The following PCNT variants were observed in gnomAD, a reference collection of about 807,000 sequenced individuals.
The protein encoded by PCNT is pericentrin.
PCNT carries 319 observed loss-of-function variants against 380.4 expected under a neutral mutation model. That is an observed-to-expected ratio of 0.84 (90% CI 0.77 to 0.92). The LOEUF (loss-of-function observed/expected upper bound fraction) is 0.92. PCNT is among the 40% of genes least tolerant of loss of function. PCNT has a pLI of 0.00. For missense variants in PCNT, 4,400 were observed against 4,255.3 expected (o/e 1.03, Z -0.95); for synonymous variants, 1,845 against 1,735.2 (o/e 1.06, Z -1.57).
At chr21:46,398,820 CTTTTTTT>C (rs11331073) in intron 24 of PCNT, among the ~76,000 whole-genome samples, 63 of 114,564 alleles carry the variant, frequency 5.5e-4, no homozygotes, top group Admixed American at 5.2e-3. Context: ...TTTTCTTTTT[CTTTTTTT>C]TTTTTTTTTT....
intron 27 of PCNT, among the ~76,000 whole-genome samples, chr21:46,404,860 A>G (rs2086577709): frequency 6.6e-6 from 1 of 152,130 alleles, no homozygotes; most frequent in Non-Finnish European, 1.5e-5. Flanking sequence ...ACTTGAACCC[A>G]GGAGATGGAG....
At chr21:46,325,614 C>T (rs2083364862) in intron 1 of PCNT, among the ~76,000 whole-genome samples, 1 of 152,214 alleles carries the variant, frequency 6.6e-6, no homozygotes, top group Non-Finnish European at 1.5e-5. Context: ...TTATCATTTA[C>T]ACAAATGTGT....
In PCNT at chr21:46,412,013, C is replaced by T. The variant is rs150436577; in HGVS notation, c.5940C>T (p.Gly1980=). The part of the protein sequence containing the change: ...MDGGAKAQVT[G]DVEASHDAAL... ...GTGGCGCCAAGGCCCAGGTCACCGG[C>T]GACGTGGAGGCCTCCCATGATGCTG... is the stretch of plus-strand genomic sequence containing the variant. Residue 1980 remains glycine, a synonymous_variant, in exon 28 of 47, where the codon GGC becomes GGT. Transcript: ENST00000359568. 338 of 1,607,498 alleles carry T rather than the reference C, an allele frequency of 2.1e-4. No homozygotes were observed. The highest frequency in any genetic ancestry group is 9.8e-4 in the East Asian group (44 of 44,872).
At position 46,444,728 on chromosome 21, in the gene PCNT, T is replaced by G; in HGVS notation, c.9874T>G (p.Ser3292Ala). 6.2e-7 allele frequency: 1 copy of G among 1,613,130 alleles called. No homozygotes were observed. The highest frequency in any genetic ancestry group is 8.5e-7 in the Non-Finnish European group (1 of 1,179,518). ...TPSPNSRLER[S>A]LTASQDPEHS... is the part of the protein sequence containing the mutation. ...ATCCCCAAATTCAAGATTAGAAAGA[T>G]CCCTGACTGCTTCTCAAGATCCAGA... The change falls in exon 46 of 47, where the codon TCC (serine) becomes GCC (alanine). Residue 3292 changes from serine to alanine, a missense_variant. Ser to Ala is a moderately conservative substitution (Grantham distance 99, BLOSUM62 1). Coordinates refer to ENST00000359568, the MANE Select transcript of PCNT (RefSeq NM_006031.6).
At chr21:46,329,625 C>T (rs781193003) in intron 2 of PCNT, among the ~76,000 whole-genome samples, 30 of 152,208 alleles carry the variant, frequency 2.0e-4, no homozygotes, top group Non-Finnish European at 3.5e-4. Flanking sequence ...TTTGTGTCAC[C>T]TCCTCGTGAC....
intron 29 of PCNT, among the ~76,000 whole-genome samples, chr21:46,415,639 T>C (rs1420203931): frequency 1.3e-5 from 2 of 152,030 alleles, no homozygotes; most frequent in South Asian, 2.1e-4. Context: ...TGTCTCAGCC[T>C]CCCAAAATGC....
intron 16 of PCNT, among the ~76,000 whole-genome samples, chr21:46,384,354 A>G (rs1430616790): frequency 1.4e-5 from 2 of 147,490 alleles, no homozygotes; most frequent in Non-Finnish European, 3.0e-5. Flanking sequence ...AAGCGCATTC[A>G]CAGTGTTGTA....
At chr21:46,398,824 T>C (rs1171593787) in intron 24 of PCNT, among the ~76,000 whole-genome samples, 3 of 147,882 alleles carry the variant, frequency 2.0e-5, no homozygotes, top group Admixed American at 6.8e-5. Flanking sequence ...CTTTTTCTTT[T>C]TTTTTTTTTT....
chr21:46,341,003 C>A (rs530337875), intron 3 of PCNT, among the ~76,000 whole-genome samples: 27 of 152,260 alleles, frequency 1.8e-4, no homozygotes, highest in African/African-American at 6.3e-4. Flanking sequence ...CATGCCTCAG[C>A]CTCCTGAGTA....
chr21:46,359,817 T>G (rs1601833556), intron 13 of PCNT, among the ~76,000 whole-genome samples: 1 of 152,070 alleles, frequency 6.6e-6, no homozygotes, highest in East Asian at 1.9e-4. Flanking sequence ...CATTCCAACC[T>G]TCGTGTGCAT....
rs952202869 is a variant in PCNT at position 46,401,679 on chromosome 21, G to A, written c.4920G>A (p.Gln1640=). 6.8e-6 allele frequency: 11 copies of A among 1,614,098 alleles called. No homozygotes were observed. Among genetic ancestry groups the A allele is most frequent in the Non-Finnish European group, 9.3e-6 (11 of 1,180,014 alleles). Residue 1640 remains glutamine, a synonymous_variant, in exon 26 of 47, where the codon CAG becomes CAA. Transcript: ENST00000359568. ...GCCCTCCTGAGGGTCCAGAAATACAGTTAGAGGTGACACAGAGAGCACTCC... is the reference window on the plus strand; with the variant it reads ...GCCCTCCTGAGGGTCCAGAAATACAATTAGAGGTGACACAGAGAGCACTCC... ...SGSPPEGPEI[Q]LEVTQRALLR... is the part of the protein sequence containing the mutation.
At chr21:46,439,939 G>C in intron 41 of PCNT, 144 bp from the exon 42 acceptor site, 1 of 918,036 alleles carries the variant, frequency 1.1e-6, no homozygotes, top group South Asian at 1.3e-5. Context: ...AGGGGGTGCT[G>C]AAGTTGAGGA....
chr21:46,413,135 G>A (rs4819246), intron 29 of PCNT, 143 bp downstream of exon 29: 25,852 of 219,620 alleles, frequency 0.12, 3,563 homozygotes, highest in East Asian at 0.25. Flanking sequence ...GGGAAGGCAC[G>A]AGGCCCACCC....
chr21:46,411,888 C>G lies in PCNT; in HGVS notation c.5815C>G (p.Arg1939Gly). The G allele has an allele frequency of 1.3e-6, 2 of 1,575,858 alleles. No individual in the cohort carries two copies. The highest frequency in any genetic ancestry group is 1.7e-6 in the Non-Finnish European group (2 of 1,168,594). The stretch of plus-strand genomic sequence containing the variant: ...CCGCCAGCTGCAGGTGCTGCACCAG[C>G]GGTTCCTGAGGTGCCAGGTGGAGCT... The part of the protein sequence containing the change: ...LSRQLQVLHQ[R>G]FLRCQVELDR... Residue 1939 changes from arginine (R) to glycine (G), a missense_variant, in exon 28 of 47, where the codon CGG (arginine) becomes GGG (glycine). Coordinates refer to ENST00000359568, the MANE Select transcript of PCNT (RefSeq NM_006031.6).
At position 46,399,856 on chromosome 21, in the gene PCNT, A is replaced by G. The variant is rs114466809; in HGVS notation, c.4791+60A>G. On this transcript the variant is annotated intron_variant, in intron 25 of 46. Coordinates refer to ENST00000359568, the MANE Select transcript of PCNT (RefSeq NM_006031.6). ...TGAGGTGTCCCGCAGGCATGGCTTC[A>G]TCGCTGAGCTGGCAGGGAGTGGGCA... The G allele has an allele frequency of 2.2e-3, 3,151 of 1,430,948 alleles. 55 individuals carry two copies. The African/African-American group carries it at 0.039, about 18-fold the overall frequency. The allele number at this position is 1,430,948 out of a possible 1,614,324, so 88.6% of individuals were successfully genotyped here.
intron 45 of PCNT, 55 bp from the exon 46 acceptor site, chr21:46,444,639 A>G: frequency 6.4e-7 from 1 of 1,561,136 alleles, no homozygotes; most frequent in Non-Finnish European, 8.6e-7. Flanking sequence ...CGTCTGTCAA[A>G]CTCAACTCTT....
chr21:46,375,583 A>C (rs1372293296), intron 15 of PCNT, among the ~76,000 whole-genome samples: 1 of 149,902 alleles, frequency 6.7e-6, no homozygotes, highest in Non-Finnish European at 1.5e-5. Context: ...AGGGGGTTGC[A>C]GGAAGAAAAT....
At chr21:46,353,883 C>CGA (rs1403969250) in intron 10 of PCNT, 104 bp from the exon 11 acceptor site, 4 of 991,884 alleles carry the variant, frequency 4.0e-6, no homozygotes, top group Non-Finnish European at 6.3e-6. Flanking sequence ...ACTGGAAGCA[C>CGA]GAGGAGGCGC....
intron 26 of PCNT, 115 bp downstream of exon 26, chr21:46,401,836 ATTC>A: frequency 1.0e-6 from 1 of 979,574 alleles, no homozygotes; most frequent in East Asian, 2.5e-5. Flanking sequence ...ACCACTGTGT[ATTC>A]TTTTCTTTTC....
Sources: allele counts gnomAD v4.1 joint callset (sites outside exome capture counted in the v4.1 genomes callset), GRCh38; gene constraint gnomAD v4.1.1; transcripts MANE v1.5; gene names NCBI Gene and HGNC (gene_info 2026-07-23, HGNC 2026-07-21).